The following CCDC157 variants were observed in gnomAD, a reference collection of about 807,000 sequenced individuals.
CCDC157 encodes coiled-coil domain containing 157, also known as coiled-coil domain-containing protein 157.
In CCDC157, 60 loss-of-function variants were observed where a neutral mutation model predicts 70.9. The ratio of observed to expected loss-of-function variants is 0.85; its 90% CI spans 0.69 to 1.05. The LOEUF is 1.05. Among genes scored for constraint, CCDC157 ranks in the 50% least tolerant of loss-of-function variants. The pLI is 0.00. For missense variants in CCDC157, 943 were observed against 984.2 expected (o/e 0.96, Z 0.56); for synonymous variants, 373 against 422.4 (o/e 0.88, Z 1.43).
In CCDC157 at chr22:30,374,076, G is replaced by A. The variant is rs201598906; in HGVS notation, c.1657G>A (p.Glu553Lys). The A allele has an allele frequency of 1.3e-5, 21 of 1,599,102 alleles. No homozygotes were observed. The highest frequency in any genetic ancestry group is 9.4e-5 in the African/African-American group (7 of 74,726). ...VAFPDLHRPTETQIHGGRSSS... is the reference protein window; with the variant it reads ...VAFPDLHRPTKTQIHGGRSSS... Reference sequence around the variant, plus strand: ...CTTCCCAGACCTGCACAGGCCCACCGAGACCCAGATCCATGGTAGGGGACT... The same window carrying A: ...CTTCCCAGACCTGCACAGGCCCACCAAGACCCAGATCCATGGTAGGGGACT... The change falls in exon 9 of 12, where the codon GAG (glutamate) becomes AAG (lysine). Residue 553 changes from glutamate to lysine, a missense_variant. By Grantham distance (56) the Glu-to-Lys change is moderately conservative (BLOSUM62 1). Transcript: ENST00000338306.
chr22:30,374,403 G>C (rs1455282602), intron 9 of CCDC157: 1 of 550,384 alleles, frequency 1.8e-6, no homozygotes, highest in South Asian at 1.5e-5. Context: ...GCTAATTCTT[G>C]CTCGACTTCT....
intron 2 of CCDC157, among the ~76,000 whole-genome samples, chr22:30,364,865 G>A (rs1932615043): frequency 6.6e-6 from 1 of 150,978 alleles, no homozygotes; most frequent in African/African-American, 2.4e-5. Context: ...CTCTGTCACC[G>A]CTGGTGACAA....
At chr22:30,365,446 G>T (rs1932657090) in intron 2 of CCDC157, among the ~76,000 whole-genome samples, 1 of 152,052 alleles carries the variant, frequency 6.6e-6, no homozygotes, top group Non-Finnish European at 1.5e-5. Context: ...GAGTACCGAG[G>T]CACTGTGGCC....
At chr22:30,373,442 C>G in intron 7 of CCDC157, 155 bp from the exon 8 acceptor site, 13 of 784,354 alleles carry the variant, frequency 1.7e-5, no homozygotes, top group Non-Finnish European at 2.4e-5. Flanking sequence ...GACCCCTACC[C>G]TTCCACGCAT....
At chr22:30,358,550 A>T (rs73406437) in intron 1 of CCDC157, among the ~76,000 whole-genome samples, 1 of 152,128 alleles carries the variant, frequency 6.6e-6, no homozygotes, top group African/African-American at 2.4e-5. Flanking sequence ...CCGTGTTTTC[A>T]TGGTGGTGGC....
At chr22:30,368,520 C>T (rs1427936393) in intron 3 of CCDC157, among the ~76,000 whole-genome samples, 2 of 152,352 alleles carry the variant, frequency 1.3e-5, no homozygotes, top group South Asian at 2.1e-4. Context: ...TCTAAGCAGA[C>T]GGATTGCTCT....
chr22:30,360,359 G>T (rs968863078), intron 1 of CCDC157, among the ~76,000 whole-genome samples: 7 of 151,974 alleles, frequency 4.6e-5, no homozygotes, highest in African/African-American at 9.7e-5. Flanking sequence ...AAAAAAATTA[G>T]CTGGGTGTTG....
upstream of CCDC157, chr22:30,356,635 A>G (rs541887857): frequency 1.4e-5 from 14 of 995,016 alleles, no homozygotes; most frequent in East Asian, 3.3e-4. Context: ...CAGTCCCTCC[A>G]AGCCCTTCAT....
chr22:30,377,017 G>A lies in CCDC157; in HGVS notation c.*272G>A. ...TGTGGGATAGGAGAGTACACCCAGG[G>A]CAGAGGAAGCTCCTAAGACCTGGGC... On this transcript the variant is annotated 3_prime_UTR_variant, in exon 12 of 12. Coordinates refer to ENST00000338306, the MANE Select transcript of CCDC157 (RefSeq NM_001017437.5). 2 of 533,802 alleles carry A rather than the reference G, an allele frequency of 3.7e-6. No individual in the cohort carries two copies. Among genetic ancestry groups the A allele is most frequent in the Non-Finnish European group, 6.7e-6 (2 of 297,104 alleles). 33.1% of individuals were successfully genotyped at this position (533,802 alleles called of 1,614,324 possible).
chr22:30,372,645 C>T (rs909345741), intron 7 of CCDC157: 3 of 205,448 alleles, frequency 1.5e-5, no homozygotes, highest in South Asian at 1.3e-4. Flanking sequence ...TTGAGCTGGA[C>T]GCCCATGACA....
chr22:30,374,390 C>A, intron 9 of CCDC157: 1 of 582,454 alleles, frequency 1.7e-6, no homozygotes, highest in Non-Finnish European at 3.3e-6. Flanking sequence ...CACTACGTCA[C>A]ATGCTAATTC....
chr22:30,374,332 C>G (rs1439058377), intron 9 of CCDC157: 9 of 630,922 alleles, frequency 1.4e-5, no homozygotes, highest in Non-Finnish European at 2.0e-5. Context: ...CTAGTCACAA[C>G]AGCCAAACGC....
Position 30,376,425 on chromosome 22 carries a change from T to G in CCDC157, c.1947-8T>G, listed in dbSNP as rs1407189642. On this transcript the variant is annotated splice_region_variant and splice_polypyrimidine_tract_variant and intron_variant, in intron 11 of 11. Coordinates refer to ENST00000338306, the MANE Select transcript of CCDC157 (RefSeq NM_001017437.5). ...TCACAGGGGATCTTGGATCTGGTTT[T>G]CCTTCAGGCCTCTGGGCAGACAGCA... 2 of 1,613,710 alleles carry G rather than the reference T, an allele frequency of 1.2e-6. No individual in the cohort carries two copies. Among genetic ancestry groups the G allele is most frequent in the Non-Finnish European group, 1.7e-6 (2 of 1,179,900 alleles).
intron 7 of CCDC157, chr22:30,373,157 C>G (rs1016923869): frequency 1.0e-4 from 18 of 173,928 alleles, no homozygotes; most frequent in Admixed American, 8.8e-4. Context: ...GCCAGGACTC[C>G]GAGCAGTCCA....
chr22:30,366,464 C>T (rs1387737187), intron 3 of CCDC157: 15 of 617,824 alleles, frequency 2.4e-5, no homozygotes, highest in South Asian at 8.0e-5. Flanking sequence ...GTGTTAGGCT[C>T]TCCTAGCCTG....
Position 30,372,343 on chromosome 22 carries a change from G to C in CCDC157, c.1335+57G>C, listed in dbSNP as rs562346140. ...CTGCAATGTAGGCTGCAGGGAAAGA[G>C]GGCTCCACTGTCAGGGAATGGGGGA... On this transcript the variant is annotated intron_variant, in intron 7 of 11. Transcript: ENST00000338306. The C allele has an allele frequency of 7.6e-6, 11 of 1,453,738 alleles. No homozygotes were observed. In the South Asian group the frequency reaches 1.1e-4, roughly 15 times the overall value. The allele number at this position is 1,453,738 out of a possible 1,614,324, so 90.1% of individuals were successfully genotyped here.
intron 1 of CCDC157, among the ~76,000 whole-genome samples, chr22:30,357,970 T>C (rs951570700): frequency 1.3e-5 from 2 of 152,146 alleles, no homozygotes; most frequent in Non-Finnish European, 2.9e-5. Flanking sequence ...GGCTGCTGCT[T>C]TAGGCTTCAC....
At chr22:30,369,897 CTGTT>C (rs1386527138) in intron 4 of CCDC157, 2 of 460,154 alleles carry the variant, frequency 4.3e-6, no homozygotes, top group East Asian at 6.7e-5. Flanking sequence ...CATGTGACCC[CTGTT>C]TGTTATGGGC....
chr22:30,373,343 C>G (rs961051961), intron 7 of CCDC157: 1 of 513,376 alleles, frequency 1.9e-6, no homozygotes, highest in Admixed American at 3.6e-5. Flanking sequence ...CCAGAGCCAG[C>G]CATCTGCGTT....
Sources: allele counts gnomAD v4.1 joint callset (sites outside exome capture counted in the v4.1 genomes callset), GRCh38; gene constraint gnomAD v4.1.1; transcripts MANE v1.5; gene names NCBI Gene and HGNC (gene_info 2026-07-23, HGNC 2026-07-21).